The following TNXB variants were observed in gnomAD, a reference collection of about 807,000 sequenced individuals.
TNXB encodes tenascin XB, also known as tenascin-X.
A neutral mutation model predicts 340.5 loss-of-function variants in TNXB; 183 were observed. That is an observed-to-expected ratio of 0.54 (90% confidence interval 0.48 to 0.61). The LOEUF is 0.61. Among genes scored for constraint, TNXB ranks in the 20% least tolerant of loss-of-function variants. TNXB has a pLI of 0.00. For synonymous variants in TNXB, 2,121 were observed against 2,314.5 expected, an observed-to-expected ratio of 0.92 and a Z score of 2.40; for missense variants, 4,613 against 5,446.4, an observed-to-expected ratio of 0.85 and a Z score of 4.82.
At position 32,079,573 on chromosome 6, in the gene TNXB, G is replaced by A. The variant is rs1253262310; in HGVS notation, c.4043-208C>T. 1.3e-5 allele frequency among the ~76,000 whole-genome samples: 2 copies of A among 152,162 alleles called. No individual in the cohort carries two copies. Among genetic ancestry groups the A allele is most frequent in the Admixed American group, 1.3e-4 (2 of 15,274 alleles). ...CTGTGGGGGTGAGGGGTCTCCCTTCGTGTCTGAGAAAGGAGCTGAGATGGG... is the reference window on the plus strand; with the variant it reads ...CTGTGGGGGTGAGGGGTCTCCCTTCATGTCTGAGAAAGGAGCTGAGATGGG... On this transcript the variant is annotated intron_variant, in intron 10 of 43. Coordinates refer to ENST00000644971, the MANE Select transcript of TNXB (RefSeq NM_001365276.2). The surrounding 1 kb of genome is among the most constrained non-coding windows in gnomAD (Gnocchi z 7.1).
At position 32,069,974 on chromosome 6, in the gene TNXB, CGG is replaced by C; in HGVS notation, c.5279-115_5279-114del. On this transcript the variant is annotated intron_variant, in intron 14 of 43. Coordinates refer to ENST00000644971, the MANE Select transcript of TNXB (RefSeq NM_001365276.2). This position sits in a 1 kb window ranked among gnomAD's most constrained non-coding sequence, Gnocchi z 6.2. ...AGGGCTTTGCGTGGCTGAGTCCTGC[CGG>C]GCTGTGCTAGGGGCTTGTGCAGGGA... 1 of 1,380,314 alleles carries C rather than the reference CGG, an allele frequency of 7.2e-7. No homozygotes were observed. The highest frequency in any genetic ancestry group is 2.6e-5 in the Admixed American group (1 of 37,958). The allele number at this position is 1,380,314 out of a possible 1,614,324, so 85.5% of individuals were successfully genotyped here. A position where few individuals can be genotyped will look rare whatever the true frequency, so the allele number is the denominator to read the frequency against.
At position 32,098,075 on chromosome 6, in the gene TNXB, G is replaced by T; in HGVS notation, c.124C>A (p.Gln42Lys). The stretch of plus-strand genomic sequence containing the variant: ...GCCCCCACTGTGTGGCCCCCTGGCT[G>T]GGGAGGGGGCCGGGGGGCTGGCAGT... ...VTLPAPRPPP[Q>K]PGGHTVGAGV... is the part of the protein sequence containing the mutation. Residue 42 changes from glutamine (Q) to lysine (K), a missense_variant, in exon 2 of 44, where the codon CAG (glutamine) becomes AAG (lysine). Transcript: ENST00000644971. 1 of 1,605,862 alleles carries T rather than the reference G, an allele frequency of 6.2e-7. No homozygotes were observed. The highest frequency in any genetic ancestry group is 8.5e-7 in the Non-Finnish European group (1 of 1,177,190).
Position 32,096,309 on chromosome 6 carries a change from T to C in TNXB, c.1544A>G (p.Asn515Ser), listed in dbSNP as rs780846101. 4.5e-6 allele frequency: 7 copies of C among 1,551,044 alleles called. No homozygotes were observed. The South Asian group carries it at 4.7e-5, about 10-fold the overall frequency. ...GRCVDGRCVC[N>S]PGFTGEDCGS... ...ACAGTCCTCACCGGTGAAGCCCGGG[T>C]TGCACACGCAGCGGCCATCCACGCA... Residue 515 changes from asparagine to serine, a missense_variant, in exon 3 of 44, where the codon AAC (asparagine) becomes AGC (serine). Transcript: ENST00000644971.
At position 32,043,778 on chromosome 6, in the gene TNXB, C is replaced by G; in HGVS notation, c.11501G>C (p.Ser3834Thr). The G allele has an allele frequency of 6.2e-7, 1 of 1,613,492 alleles. No individual in the cohort carries two copies. The highest frequency in any genetic ancestry group is 8.5e-7 in the Non-Finnish European group (1 of 1,180,016). ...GGTGAGGAAGCCTGTGAGAGGCTCA[C>G]TCTCCTCAAAGCCTCGGACCGAGAC... ...TVVSVRGFEE[S>T]EPLTGFLTTV... is the part of the protein sequence containing the mutation. The change falls in exon 35 of 44, where the codon AGT (serine) becomes ACT (threonine). Residue 3834 changes from serine (S) to threonine (T), a missense_variant. This residue lies in a region of TNXB where 114 missense variants were observed against 104.5 expected (regional missense o/e 1.09). Transcript: ENST00000644971.
Position 32,048,602 on chromosome 6 carries a change from G to A in TNXB, c.9806C>T (p.Ala3269Val), listed in dbSNP as rs368984634. ...TGAGTCCGAGGTCACGGCCGCCACC[G>A]CCAGCTCCCCCAGGCGGGGCTCCAC... ...LPVEPRLGELAVAAVTSDSVG... is the reference protein window; with the variant it reads ...LPVEPRLGELVVAAVTSDSVG... Residue 3269 changes from alanine (A) to valine (V), a missense_variant, in exon 29 of 44, where the codon GCG becomes GTG. Ala to Val is a moderately conservative substitution (Grantham distance 64). Around this residue, in one of 7 missense-constraint regions of TNXB, gnomAD observed 4,327 missense variants for 4,859.4 expected, o/e 0.89. Transcript: ENST00000644971. 3.3e-6 allele frequency: 5 copies of A among 1,534,396 alleles called. No individual in the cohort carries two copies. The highest frequency in any genetic ancestry group is 2.5e-5 in the South Asian group (2 of 79,386).
In TNXB at chr6:32,061,609, A is replaced by G. The variant is rs2151907326; in HGVS notation, c.7280T>C (p.Leu2427Pro). 2 of 1,613,066 alleles carry G rather than the reference A, an allele frequency of 1.2e-6. No homozygotes were observed. The highest frequency in any genetic ancestry group is 2.2e-5 in the East Asian group (1 of 44,870). Residue 2427 changes from leucine to proline, a missense_variant, in exon 21 of 44, where the codon CTG (leucine) becomes CCG (proline). Physicochemically the swap from Leu to Pro is moderately conservative, Grantham distance 98. Coordinates refer to ENST00000644971, the MANE Select transcript of TNXB (RefSeq NM_001365276.2). This position sits in a 1 kb window ranked among gnomAD's most constrained non-coding sequence, Gnocchi z 4.4. ...LTVTGSSPDS[L>P]SLSWTVPQGR... ...CTGGGGGACGGTCCAGGAGAGGCTCAGCGAGTCAGGGGAGGATCCTGTCAC... is the reference window on the plus strand; with the variant it reads ...CTGGGGGACGGTCCAGGAGAGGCTCGGCGAGTCAGGGGAGGATCCTGTCAC...
In TNXB at chr6:32,096,752, G is replaced by A. The variant is rs9380279; in HGVS notation, c.1101C>T (p.Asp367=). ...CCCTCGGACATGTCCGCGTGCTGCAGTCCTCGCCTGTGTACCCGGGCCAGC... is the reference window on the plus strand; with the variant it reads ...CCCTCGGACATGTCCGCGTGCTGCAATCCTCGCCTGTGTACCCGGGCCAGC... ...CVCWPGYTGE[D]CSTRTCPRDC... Residue 367 remains aspartate (D), a synonymous_variant, in exon 3 of 44, where the codon GAC becomes GAT. Transcript: ENST00000644971. 18 of 1,555,170 alleles carry A rather than the reference G, an allele frequency of 1.2e-5. No homozygotes were observed. In the African/African-American group the frequency reaches 2.5e-4, roughly 21 times the overall value.
chr6:32,089,807 A>G lies in TNXB; in HGVS notation c.2359-428T>C, dbSNP rs1276559526. On this transcript the variant is annotated intron_variant, in intron 4 of 43. Transcript: ENST00000644971. This position sits in a 1 kb window ranked among gnomAD's most constrained non-coding sequence, Gnocchi z 6.2. ...TGGGCACCCCGTGTTCATCTGCCAG[A>G]ATTCCACCCAACATGCACCAGGACT... 6.6e-6 allele frequency among the ~76,000 whole-genome samples: 1 copy of G among 152,158 alleles called. No individual in the cohort carries two copies. The highest frequency in any genetic ancestry group is 2.4e-5 in the African/African-American group (1 of 41,438).
chr6:32,071,640 C>T (rs558507785), intron 13 of TNXB, among the ~76,000 whole-genome samples: 2 of 148,952 alleles, frequency 1.3e-5, no homozygotes, highest in East Asian at 2.0e-4. Context: ...GGCTGGAGTG[C>T]AGTGGCGCAA....
chr6:32,094,248 A>G (rs1000952703), intron 4 of TNXB, among the ~76,000 whole-genome samples: 8 of 152,062 alleles, frequency 5.3e-5, no homozygotes, highest in African/African-American at 1.9e-4. Context: ...CCAAACCAAA[A>G]AAGATAACAT....
intron 19 of TNXB, among the ~76,000 whole-genome samples, chr6:32,063,927 A>G (rs1472130891): frequency 2.0e-5 from 3 of 152,234 alleles, no homozygotes; most frequent in Non-Finnish European, 4.4e-5. Context: ...AATAGTATCC[A>G]TGTTAACAGG....
chr6:32,053,064 A>T, intron 25 of TNXB, 71 bp from the exon 26 acceptor site: 1 of 1,516,466 alleles, frequency 6.6e-7, no homozygotes, highest in Non-Finnish European at 8.9e-7. Flanking sequence ...GAGGAAGGAG[A>T]GCGAAGCTGT....
rs1443210363 is a variant in TNXB, at chr6:32,081,495, C to T, written c.3915G>A (p.Val1305=). 1.2e-6 allele frequency: 2 copies of T among 1,606,372 alleles called. No individual in the cohort carries two copies. The highest frequency in any genetic ancestry group is 2.7e-5 in the African/African-American group (2 of 74,936). Reference sequence around the variant, plus strand: ...CCTCATTCTCATCCCCCGCAACAGGCACTGCCTGGGGCTGCCCCTGTGCAT... The same window carrying T: ...CCTCATTCTCATCCCCCGCAACAGGTACTGCCTGGGGCTGCCCCTGTGCAT... ...YKDAQGQPQA[V]PVAGDENEVT... The change falls in exon 10 of 44, where the codon GTG becomes GTA. Residue 1305 remains valine, a synonymous_variant. Transcript: ENST00000644971. This position sits in a 1 kb window ranked among gnomAD's most constrained non-coding sequence, Gnocchi z 5.1.
At position 32,049,287 on chromosome 6, in the gene TNXB, G is replaced by A. The variant is rs757839364; in HGVS notation, c.9740C>T (p.Ser3247Phe). 1.9e-6 allele frequency: 3 copies of A among 1,611,150 alleles called. No homozygotes were observed. The highest frequency in any genetic ancestry group is 2.5e-6 in the Non-Finnish European group (3 of 1,178,990). Residue 3247 changes from serine to phenylalanine, a missense_variant, in exon 28 of 44, where the codon TCC (serine) becomes TTC (phenylalanine). Physicochemically the swap from Ser to Phe is radical, Grantham distance 155. Coordinates refer to ENST00000644971, the MANE Select transcript of TNXB (RefSeq NM_001365276.2). This position sits in a 1 kb window ranked among gnomAD's most constrained non-coding sequence, Gnocchi z 4.5. ...LHEGQRVGPV[S>F]TVGITAPLPT... ...CCACTCACCCGTGATGCCCACGGTG[G>A]ACACTGGGCCCACGCGCTGCCCCTC...
intron 24 of TNXB, 46 bp from the exon 25 acceptor site, chr6:32,053,757 T>G: frequency 6.3e-7 from 1 of 1,589,080 alleles, no homozygotes; most frequent in Non-Finnish European, 8.6e-7. Flanking sequence ...GGTTCTCAGT[T>G]CAGCATAGAA....
chr6:32,043,839 C>T lies in TNXB; in HGVS notation c.11440G>A (p.Gly3814Arg), dbSNP rs1350315301. ...TCATAGCGAGCGCCTGGGATCAGCC[C>T]CTGGAGTTTCTGGGTCCGGGCCTGG... The part of the protein sequence containing the change: ...DGQARTQKLQ[G>R]LIPGARYEVT... Residue 3814 changes from glycine to arginine, a missense_variant, in exon 35 of 44, where the codon GGG (glycine) becomes AGG (arginine). This residue lies in a region of TNXB where 114 missense variants were observed against 104.5 expected (regional missense o/e 1.09). Transcript: ENST00000644971. The T allele has an allele frequency of 1.9e-6, 3 of 1,613,634 alleles. No homozygotes were observed. Among genetic ancestry groups the T allele is most frequent in the East Asian group, 2.2e-5 (1 of 44,882 alleles).
chr6:32,069,252 C>T lies in TNXB; in HGVS notation c.5588-116G>A. Reference sequence around the variant, plus strand: ...AAGCAGTCAGCAATCGAAAGACCAGCTTTTGCTGCACATGGGTGAATTTCA... The same window carrying T: ...AAGCAGTCAGCAATCGAAAGACCAGTTTTTGCTGCACATGGGTGAATTTCA... On this transcript the variant is annotated intron_variant, in intron 15 of 43. Transcript: ENST00000644971. This position sits in a 1 kb window ranked among gnomAD's most constrained non-coding sequence, Gnocchi z 6.2. 1 of 1,058,772 alleles carries T rather than the reference C, an allele frequency of 9.4e-7. No homozygotes were observed. Among genetic ancestry groups the T allele is most frequent in the East Asian group, 2.6e-5 (1 of 38,508 alleles). The allele number at this position is 1,058,772 out of a possible 1,614,324, so 65.6% of individuals were successfully genotyped here.
Position 32,070,413 on chromosome 6 carries a change from A to T in TNXB, c.4992T>A (p.Val1664=). 6.3e-7 allele frequency: 1 copy of T among 1,585,720 alleles called. No homozygotes were observed. The highest frequency in any genetic ancestry group is 1.1e-5 in the South Asian group (1 of 88,390). The part of the protein sequence containing the change: ...RSPVSVEAKT[V]ARGDASPGAP... ...CCCCTGGGCTGGCGTCACCTCGGGCAACTGGAGAGGAAAGGTTCTTGTGTT... is the reference window on the plus strand; with the variant it reads ...CCCCTGGGCTGGCGTCACCTCGGGCTACTGGAGAGGAAAGGTTCTTGTGTT... Residue 1664 remains valine, a splice_region_variant and synonymous_variant, in exon 14 of 44, where the codon GTT becomes GTA. Transcript: ENST00000644971. This position sits in a 1 kb window ranked among gnomAD's most constrained non-coding sequence, Gnocchi z 6.0.
At chr6:32,045,890 C>A (rs1021377563) in intron 31 of TNXB, 1 of 1,194,972 alleles carries the variant, frequency 8.4e-7, no homozygotes, top group African/African-American at 1.5e-5. Context: ...GCGACAGCAG[C>A]CCCAGCGAGT....
Sources: allele counts gnomAD v4.1 joint callset (sites outside exome capture counted in the v4.1 genomes callset), GRCh38; gene constraint gnomAD v4.1.1; regional missense constraint gnomAD v4.1.1; non-coding constraint Gnocchi (gnomAD v3.1); transcripts MANE v1.5; gene names NCBI Gene and HGNC (gene_info 2026-07-23, HGNC 2026-07-21).